Variants in ZNF346 observed in about 807,000 individuals in gnomAD.
ZNF346 encodes the protein double-stranded RNA-binding zinc finger protein JAZ.
Under a neutral mutation model 33.7 loss-of-function variants are expected in ZNF346, and 23 were observed. The ratio of observed to expected loss-of-function variants is 0.68; its 90% CI spans 0.49 to 0.97. The LOEUF is 0.97. Ranked by LOEUF, ZNF346 falls within the 50% of genes least tolerant of loss-of-function variation. ZNF346 has a pLI of 0.00. For missense variants in ZNF346, 340 were observed against 371.1 expected (o/e 0.92, Z 0.69); for synonymous variants, 134 against 142.4 (o/e 0.94, Z 0.42).
rs1348118679 is a variant in ZNF346 at position 177,064,863 on chromosome 5, C to T, written c.*264C>T. On this transcript the variant is annotated 3_prime_UTR_variant, in exon 7 of 7. Transcript: ENST00000358149. ...CGCGGGGTGGTAGTTTGGAGGGTGG[C>T]TTTCCCCATTTCCCAACCCCTCTGG... The T allele has an allele frequency of 2.2e-6, 1 of 462,290 alleles. No homozygotes were observed. The highest frequency in any genetic ancestry group is 1.9e-5 in the African/African-American group (1 of 51,288). The allele number at this position is 462,290 out of a possible 1,614,324, so 28.6% of individuals were successfully genotyped here.
chr5:177,036,338 C>T (rs926162603), intron 1 of ZNF346, among the ~76,000 whole-genome samples: 8 of 152,114 alleles, frequency 5.3e-5, no homozygotes, highest in African/African-American at 1.7e-4. Flanking sequence ...ATTTGGTTCC[C>T]TTTTATAATT....
chr5:177,050,052 G>A (rs1450370762), intron 4 of ZNF346, among the ~76,000 whole-genome samples: 1 of 152,178 alleles, frequency 6.6e-6, no homozygotes, highest in East Asian at 1.9e-4. Flanking sequence ...GGCCAGGATG[G>A]CCTCAATCTC....
At position 177,050,788 on chromosome 5, in the gene ZNF346, G is replaced by A. The variant is rs1217400053; in HGVS notation, c.555G>A (p.Lys185=). The A allele has an allele frequency of 6.2e-7, 1 of 1,614,076 alleles. No individual in the cohort carries two copies. The highest frequency in any genetic ancestry group is 1.3e-5 in the African/African-American group (1 of 74,930). The part of the protein sequence containing the change: ...HQNREMIDPD[K]FCSLCHATFN... ...ATAGAGAGATGATAGACCCAGACAA[G>A]TTCTGCAGCCTCTGCCATGCAACTT... The change falls in exon 5 of 7, where the codon AAG becomes AAA. Residue 185 remains lysine (K), a synonymous_variant. Coordinates refer to ENST00000358149, the MANE Select transcript of ZNF346 (RefSeq NM_012279.4).
At chr5:177,069,318 G>A (rs1339087704), downstream of ZNF346, among the ~76,000 whole-genome samples, 2 of 151,900 alleles carry the variant, frequency 1.3e-5, no homozygotes, top group African/African-American at 4.8e-5. Flanking sequence ...TTAGCTGGTC[G>A]TGGTGGTGGA....
At chr5:177,076,279 G>A (rs968223660) in intron 8 of ZNF346, among the ~76,000 whole-genome samples, 1 of 152,264 alleles carries the variant, frequency 6.6e-6, no homozygotes, top group African/African-American at 2.4e-5. Flanking sequence ...CCTATCAAGA[G>A]GCTGTTGTTG....
intron 1 of ZNF346, among the ~76,000 whole-genome samples, chr5:177,033,411 C>A (rs1480426502): frequency 1.3e-5 from 2 of 152,148 alleles, no homozygotes; most frequent in Non-Finnish European, 2.9e-5. Flanking sequence ...CTGACTATAG[C>A]TATACCTAAA....
intron 1 of ZNF346, among the ~76,000 whole-genome samples, chr5:177,032,204 A>G (rs1478494195): frequency 1.3e-5 from 2 of 151,672 alleles, no homozygotes; most frequent in Non-Finnish European, 2.9e-5. Flanking sequence ...GAGTTTCACT[A>G]TGTTGGTCAG....
At chr5:177,070,661 C>T (rs555132554), downstream of ZNF346, among the ~76,000 whole-genome samples, 1 of 152,262 alleles carries the variant, frequency 6.6e-6, no homozygotes, top group African/African-American at 2.4e-5. Context: ...ATGATAGCTG[C>T]TGCTCTTTCT....
intron 1 of ZNF346, 136 bp downstream of exon 1, chr5:177,023,049 C>G: frequency 6.9e-7 from 1 of 1,444,516 alleles, no homozygotes; most frequent in Non-Finnish European, 9.3e-7. Flanking sequence ...ACTTGTGCTC[C>G]CCATCCGGGC....
chr5:177,059,323 A>C (rs996505409), intron 5 of ZNF346, among the ~76,000 whole-genome samples: 2 of 152,020 alleles, frequency 1.3e-5, no homozygotes, highest in African/African-American at 4.8e-5. Flanking sequence ...CCACATTGAA[A>C]CCCAATGTAG....
intron 4 of ZNF346, among the ~76,000 whole-genome samples, chr5:177,047,747 C>G (rs984291985): frequency 6.6e-6 from 1 of 152,130 alleles, no homozygotes. Context: ...CTCAGGTGAT[C>G]CACCCACCTC....
chr5:177,061,997 G>T, intron 5 of ZNF346, 61 bp from the exon 6 acceptor site: 1 of 1,455,086 alleles, frequency 6.9e-7, no homozygotes, highest in Non-Finnish European at 9.6e-7. Context: ...ACTCTGAAAA[G>T]CAACGGTCTT....
chr5:177,060,593 C>T (rs1782372207), intron 5 of ZNF346, among the ~76,000 whole-genome samples: 1 of 151,038 alleles, frequency 6.6e-6, no homozygotes, highest in Admixed American at 6.6e-5. Flanking sequence ...GGGCAGATCA[C>T]CTGAGGTCAG....
chr5:177,023,367 A>AC, intron 1 of ZNF346: 1 of 693,736 alleles, frequency 1.4e-6, no homozygotes. Flanking sequence ...CCTTCTCCTT[A>AC]CCCCCTGGGT....
chr5:177,041,925 G>C, intron 3 of ZNF346, 55 bp downstream of exon 3: 1 of 1,230,380 alleles, frequency 8.1e-7, no homozygotes, highest in Non-Finnish European at 1.2e-6. Context: ...CAGCCAGCAG[G>C]TTGGTGTGGT....
intron 5 of ZNF346, among the ~76,000 whole-genome samples, chr5:177,057,321 T>TAA (rs1781824449): frequency 4.3e-5 from 2 of 45,996 alleles, no homozygotes; most frequent in East Asian, 1.2e-3. Flanking sequence ...TGTCTCTTTT[T>TAA]CTTTTAAGTT....
At chr5:177,040,854 T>C (rs1779251436) in intron 1 of ZNF346, among the ~76,000 whole-genome samples, 1 of 152,206 alleles carries the variant, frequency 6.6e-6, no homozygotes, top group Admixed American at 6.5e-5. Context: ...TTTATTGGTA[T>C]CTGCTTAAGT....
intron 8 of ZNF346, among the ~76,000 whole-genome samples, chr5:177,073,977 T>C (rs564416969): frequency 6.6e-6 from 1 of 152,148 alleles, no homozygotes; most frequent in African/African-American, 2.4e-5. Flanking sequence ...GAAAGGAAGT[T>C]TGGGCTAGAC....
intron 1 of ZNF346, among the ~76,000 whole-genome samples, chr5:177,036,908 G>A (rs1452007603): frequency 6.6e-6 from 1 of 152,056 alleles, no homozygotes; most frequent in Non-Finnish European, 1.5e-5. Flanking sequence ...CTCCAGTGTG[G>A]GCACTGCAGC....
Sources: allele counts gnomAD v4.1 joint callset (sites outside exome capture counted in the v4.1 genomes callset), GRCh38; gene constraint gnomAD v4.1.1; transcripts MANE v1.5; gene names NCBI Gene and HGNC (gene_info 2026-07-23, HGNC 2026-07-21).